Variants in FRMPD3 observed in about 807,000 individuals in gnomAD.
The protein encoded by FRMPD3 is FERM and PDZ domain-containing protein 3.
Under a neutral mutation model 97.9 loss-of-function variants are expected in FRMPD3, and 42 were observed. That is an observed-to-expected ratio of 0.43 (90% CI 0.34 to 0.55). The LOEUF is 0.55. Ranked by LOEUF, FRMPD3 falls within the 20% of genes least tolerant of loss-of-function variation. The probability of loss-of-function intolerance (pLI) is 0.03; values close to 1 mark genes in which losing one functional copy is unlikely to be tolerated. For missense variants in FRMPD3, 1,303 were observed against 1,457.7 expected (o/e 0.89, Z 1.73); for synonymous variants, 577 against 581.1 (o/e 0.99, Z 0.10).
Position 107,552,924 on chromosome X carries a change from T to C in FRMPD3, c.640T>C (p.Tyr214His). 1 of 1,205,630 alleles carries C rather than the reference T, an allele frequency of 8.3e-7. No individual in the cohort carries two copies. ...LLLQDKQPLA[Y>H]VVQRTHYHGM... The stretch of plus-strand genomic sequence containing the variant: ...TCTTCAGGACAAGCAACCCCTGGCT[T>C]ATGTAAGTAACTCTTTTTTACAGAT... The change falls in exon 7 of 15, where the codon TAT (tyrosine) becomes CAT (histidine). Residue 214 changes from tyrosine to histidine, a missense_variant and splice_region_variant. Tyr to His is a moderately conservative substitution (Grantham distance 83). Coordinates refer to ENST00000683843, the MANE Select transcript of FRMPD3 (RefSeq NM_001388459.1).
At chrX:107,459,520 T>A (rs769403043) in intron 1 of FRMPD3, among the ~76,000 whole-genome samples, 1 of 112,024 alleles carries the variant, frequency 8.9e-6, no homozygotes, top group Non-Finnish European at 1.9e-5. Flanking sequence ...CCCCACCAAC[T>A]TTCCCCTCCC....
chrX:107,597,146 AG>A (rs1671256861), intron 13 of FRMPD3, among the ~76,000 whole-genome samples, 174 bp from the exon 14 acceptor site: 1 of 111,885 alleles, frequency 8.9e-6, no homozygotes, highest in African/African-American at 3.2e-5. Flanking sequence ...TTTCAGGGTC[AG>A]CAGTAACATA....
chrX:107,556,091 C>A (rs1922067371), intron 8 of FRMPD3, among the ~76,000 whole-genome samples: 1 of 111,462 alleles, frequency 9.0e-6, no homozygotes, highest in African/African-American at 3.3e-5. Context: ...ATAGGACATA[C>A]AACAGCACTT....
intron 10 of FRMPD3, 76 bp downstream of exon 10, chrX:107,560,929 A>G (rs1922338495): frequency 4.8e-6 from 5 of 1,046,905 alleles, no homozygotes; most frequent in Non-Finnish European, 5.1e-6. Context: ...GTTTCCCAGC[A>G]GAGTCTGGTC....
At chrX:107,505,690 ATGT>A (rs1481551756) in intron 1 of FRMPD3, among the ~76,000 whole-genome samples, 1 of 112,880 alleles carries the variant, frequency 8.9e-6, no homozygotes, top group Non-Finnish European at 1.9e-5. Context: ...GGGGCAGGAA[ATGT>A]TGTGTTATTT....
At chrX:107,477,962 C>T (rs2147515750) in intron 1 of FRMPD3, among the ~76,000 whole-genome samples, 1 of 111,348 alleles carries the variant, frequency 9.0e-6, no homozygotes, top group Admixed American at 9.5e-5. Flanking sequence ...CAAAGCATGC[C>T]GGCCCTTCAA....
intron 1 of FRMPD3, among the ~76,000 whole-genome samples, chrX:107,453,210 T>TAC (rs765012101): frequency 9.1e-6 from 1 of 110,106 alleles, no homozygotes; most frequent in Non-Finnish European, 1.9e-5. Context: ...TACACACAAA[T>TAC]ACACACACAC....
At chrX:107,457,876 C>T (rs1446961728) in intron 1 of FRMPD3, among the ~76,000 whole-genome samples, 1 of 111,656 alleles carries the variant, frequency 9.0e-6, no homozygotes, top group Non-Finnish European at 1.9e-5. Flanking sequence ...TCTTCTGCTC[C>T]CCCCTCCCTG....
At chrX:107,499,151 C>T (rs933160975) in intron 1 of FRMPD3, among the ~76,000 whole-genome samples, 2 of 111,420 alleles carry the variant, frequency 1.8e-5, no homozygotes, top group African/African-American at 6.5e-5. Context: ...AACTCACATT[C>T]TAGTGGAAGG....
intron 8 of FRMPD3, among the ~76,000 whole-genome samples, chrX:107,555,785 G>A (rs73522845): frequency 9.0e-6 from 1 of 111,568 alleles, no homozygotes; most frequent in Admixed American, 9.6e-5. Context: ...ATTATTAAAA[G>A]AGAAGAATAG....
intron 1 of FRMPD3, chrX:107,525,462 G>A (rs926525141): frequency 1.5e-4 from 71 of 479,396 alleles, no homozygotes; most frequent in Non-Finnish European, 2.6e-4. Context: ...CCTTGATGGA[G>A]AACATTTATG....
At chrX:107,507,858 A>G (rs962301660) in intron 1 of FRMPD3, among the ~76,000 whole-genome samples, 2 of 112,056 alleles carry the variant, frequency 1.8e-5, no homozygotes, top group African/African-American at 6.5e-5. Context: ...CATTTTACTT[A>G]GAGTACTGAT....
At chrX:107,569,084 C>T (rs996226570) in intron 12 of FRMPD3, among the ~76,000 whole-genome samples, 2 of 111,440 alleles carry the variant, frequency 1.8e-5, no homozygotes, top group Non-Finnish European at 1.9e-5. Context: ...CACCTGAGAT[C>T]AGGAGTTCAA....
intron 11 of FRMPD3, among the ~76,000 whole-genome samples, chrX:107,564,420 G>A (rs1396789536): frequency 1.8e-5 from 2 of 112,523 alleles, no homozygotes; most frequent in Non-Finnish European, 3.8e-5. Context: ...TTTGGCCTGG[G>A]TGAGAAGTGC....
At chrX:107,494,579 A>G (rs947173893) in intron 1 of FRMPD3, among the ~76,000 whole-genome samples, 1 of 112,189 alleles carries the variant, frequency 8.9e-6, no homozygotes, top group Non-Finnish European at 1.9e-5. Context: ...ATTGTTCTCT[A>G]TAACTCATGC....
At chrX:107,561,912 A>T (rs904121621) in intron 10 of FRMPD3, among the ~76,000 whole-genome samples, 1 of 112,308 alleles carries the variant, frequency 8.9e-6, no homozygotes, top group Admixed American at 9.4e-5. Context: ...GAAGATGAAG[A>T]GGGCCTGGTC....
intron 13 of FRMPD3, 75 bp from the exon 14 acceptor site, chrX:107,597,246 G>T (rs1023495006): frequency 1.1e-6 from 1 of 904,817 alleles, no homozygotes; most frequent in Non-Finnish European, 1.6e-6. Context: ...AGAGACATGG[G>T]CCAGAGACAA....
chrX:107,567,558 T>C (rs955313827), intron 12 of FRMPD3, among the ~76,000 whole-genome samples: 2 of 111,831 alleles, frequency 1.8e-5, no homozygotes, highest in African/African-American at 6.5e-5. Flanking sequence ...AAGTGGGATG[T>C]GTTCAAAGGC....
At chrX:107,480,328 G>A (rs538944773) in intron 1 of FRMPD3, among the ~76,000 whole-genome samples, 1 of 111,686 alleles carries the variant, frequency 9.0e-6, no homozygotes, top group South Asian at 3.7e-4. Flanking sequence ...AAATGGCAAA[G>A]CTGAGCCAGT....
Sources: allele counts gnomAD v4.1 joint callset (sites outside exome capture counted in the v4.1 genomes callset), GRCh38; gene constraint gnomAD v4.1.1; transcripts MANE v1.5; gene names NCBI Gene and HGNC (gene_info 2026-07-23, HGNC 2026-07-21).